The following PPP6R3 variants were observed in gnomAD, a reference collection of about 807,000 sequenced individuals.
The protein encoded by PPP6R3 is serine/threonine-protein phosphatase 6 regulatory subunit 3.
PPP6R3 carries 38 observed loss-of-function variants against 110.7 expected under a neutral mutation model. The observed-to-expected ratio is 0.34, with a 90% CI of 0.26 to 0.45. The LOEUF (loss-of-function observed/expected upper bound fraction) is 0.45, where lower values mean the gene tolerates loss of function less well. Among genes scored for constraint, PPP6R3 ranks in the 20% least tolerant of loss-of-function variants. The pLI, the probability that PPP6R3 is intolerant of heterozygous loss-of-function variation, is 1.00. For synonymous variants in PPP6R3, 369 were observed against 373.5 expected, an observed-to-expected ratio of 0.99 and a Z score of 0.14; for missense variants, 870 against 1,062.4, an observed-to-expected ratio of 0.82 and a Z score of 2.52.
In PPP6R3 at chr11:68,591,513, T is replaced by G. The variant is rs1425384337; in HGVS notation, c.1786-63T>G. On this transcript the variant is annotated intron_variant, in intron 17 of 23. Coordinates refer to ENST00000393800, the MANE Select transcript of PPP6R3 (RefSeq NM_001164161.2). ...AAAATGCAATTTACATTGGTAATGC[T>G]TAAGAGAAGATAACTTGACTTTAAA... 2.1e-6 allele frequency: 3 copies of G among 1,460,850 alleles called. No individual in the cohort carries two copies. In the African/African-American group the frequency reaches 4.2e-5, roughly 21 times the overall value. The allele number at this position is 1,460,850 out of a possible 1,614,324, so 90.5% of individuals were successfully genotyped here. A position where few individuals can be genotyped will look rare whatever the true frequency, so the allele number is the denominator to read the frequency against.
chr11:68,540,780 C>G (rs769895412), intron 3 of PPP6R3, among the ~76,000 whole-genome samples: 4 of 152,284 alleles, frequency 2.6e-5, no homozygotes, highest in Admixed American at 6.5e-5. Context: ...CGATATTTCT[C>G]CCATTTGCTT....
At chr11:68,474,266 G>A (rs1417272834) in intron 1 of PPP6R3, among the ~76,000 whole-genome samples, 4 of 152,032 alleles carry the variant, frequency 2.6e-5, no homozygotes, top group Admixed American at 6.6e-5. Context: ...GGCTGGTCTC[G>A]AACTTCTGGC....
intron 22 of PPP6R3, among the ~76,000 whole-genome samples, chr11:68,605,390 C>T (rs897440460): frequency 6.6e-6 from 1 of 152,158 alleles, no homozygotes; most frequent in Non-Finnish European, 1.5e-5. Flanking sequence ...AAGAGACCCC[C>T]TCCACTACAT....
chr11:68,494,390 G>A (rs1345872864), intron 1 of PPP6R3, among the ~76,000 whole-genome samples: 2 of 144,710 alleles, frequency 1.4e-5, no homozygotes, highest in African/African-American at 5.2e-5. Flanking sequence ...TAGGTGCGGT[G>A]GGACACGCCT....
Position 68,548,117 on chromosome 11 carries a change from G to A in PPP6R3, c.465G>A (p.Lys155=), listed in dbSNP as rs774252828. 3 of 1,613,896 alleles carry A rather than the reference G, an allele frequency of 1.9e-6. No individual in the cohort carries two copies. Among genetic ancestry groups the A allele is most frequent in the Non-Finnish European group, 2.5e-6 (3 of 1,179,758 alleles). Residue 155 remains lysine, a synonymous_variant, in exon 5 of 24, where the codon AAG becomes AAA. Coordinates refer to ENST00000393800, the MANE Select transcript of PPP6R3 (RefSeq NM_001164161.2). ...ATGATTTTGTAGACCTTATTATAAA[G>A]CACATAGGAACTTCTGCTATCATGG... ...KKHDFVDLII[K]HIGTSAIMDL...
chr11:68,566,891 G>C (rs1021750157), intron 9 of PPP6R3, 123 bp from the exon 10 acceptor site: 28 of 716,766 alleles, frequency 3.9e-5, no homozygotes, highest in Middle Eastern at 3.5e-4. Context: ...TTTAGATGTT[G>C]TTTCAGGTGT....
At chr11:68,562,499 C>T (rs1310051417) in intron 8 of PPP6R3, among the ~76,000 whole-genome samples, 1 of 152,168 alleles carries the variant, frequency 6.6e-6, no homozygotes, top group Non-Finnish European at 1.5e-5. Flanking sequence ...GAGAAAAGGA[C>T]TCACACTCTG....
intron 1 of PPP6R3, among the ~76,000 whole-genome samples, chr11:68,476,608 C>T (rs2098834738): frequency 6.6e-6 from 1 of 152,154 alleles, no homozygotes; most frequent in South Asian, 2.1e-4. Flanking sequence ...TAGCTATATG[C>T]TATAAGTTTT....
chr11:68,480,397 G>T (rs955168871), intron 1 of PPP6R3, among the ~76,000 whole-genome samples: 1 of 152,216 alleles, frequency 6.6e-6, no homozygotes, highest in Non-Finnish European at 1.5e-5. Context: ...TTCTGTACCA[G>T]ACACTGTCTG....
intron 22 of PPP6R3, among the ~76,000 whole-genome samples, chr11:68,606,592 A>G (rs1331620731): frequency 6.6e-6 from 1 of 151,854 alleles, no homozygotes; most frequent in Non-Finnish European, 1.5e-5. Context: ...CTGGGATTAC[A>G]GATGTGAGCC....
intron 5 of PPP6R3, 52 bp from the exon 6 acceptor site, chr11:68,551,069 C>A: frequency 2.4e-6 from 3 of 1,253,438 alleles, no homozygotes; most frequent in Non-Finnish European, 3.5e-6. Flanking sequence ...TACATTGGGG[C>A]TTGAACAAGA....
chr11:68,600,194 T>C, intron 19 of PPP6R3, 147 bp from the exon 20 acceptor site: 2 of 810,184 alleles, frequency 2.5e-6, no homozygotes, highest in Non-Finnish European at 4.1e-6. Context: ...TCCAGGTGGC[T>C]GTGCCCTGTC....
At position 68,486,048 on chromosome 11, in the gene PPP6R3, T is replaced by C. The variant is rs2153410932; in HGVS notation, c.-158+25221T>C. ...AAAAAAAAAGCTACACCTAATTTTT[T>C]GAGACTCAAAAAGAGTCTCAAAAAG... On this transcript the variant is annotated intron_variant, in intron 1 of 23. Coordinates refer to ENST00000393800, the MANE Select transcript of PPP6R3 (RefSeq NM_001164161.2). Among the ~76,000 whole-genome samples, 3 of 151,812 alleles carry C rather than the reference T, an allele frequency of 2.0e-5. No homozygotes were observed. In the South Asian group the frequency reaches 6.2e-4, roughly 32 times the overall value.
chr11:68,528,309 A>G (rs891866645), intron 2 of PPP6R3, among the ~76,000 whole-genome samples: 1 of 151,934 alleles, frequency 6.6e-6, no homozygotes, highest in Non-Finnish European at 1.5e-5. Flanking sequence ...TGCTTTTGAC[A>G]CCTTCTTTGG....
At chr11:68,463,735 T>C (rs959749503) in intron 1 of PPP6R3, among the ~76,000 whole-genome samples, 11 of 152,246 alleles carry the variant, frequency 7.2e-5, no homozygotes, top group Non-Finnish European at 4.4e-5. Flanking sequence ...TTAAACAGCT[T>C]TCATATTTCT....
intron 1 of PPP6R3, among the ~76,000 whole-genome samples, chr11:68,474,972 TG>T (rs1350506565): frequency 6.6e-6 from 1 of 152,130 alleles, no homozygotes; most frequent in African/African-American, 2.4e-5. Flanking sequence ...GAGGGGGATT[TG>T]GCAGGGTCAC....
Position 68,488,947 on chromosome 11 carries a change from C to A in PPP6R3, c.-158+28120C>A, listed in dbSNP as rs976663515. 2.6e-5 allele frequency: 4 copies of A among 151,736 alleles called. No individual in the cohort carries two copies. The East Asian group carries it at 7.7e-4, about 29-fold the overall frequency. 9.4% of individuals were successfully genotyped at this position (151,736 alleles called of 1,614,324 possible). On this transcript the variant is annotated intron_variant, in intron 1 of 23. Transcript: ENST00000393800. The stretch of plus-strand genomic sequence containing the variant: ...TGCTCTTTTAATAGGTGTATTTAGA[C>A]CATTGACCTTTAATGTGATTATTGA...
chr11:68,573,019 C>A (rs908373309), intron 12 of PPP6R3, among the ~76,000 whole-genome samples: 4 of 148,686 alleles, frequency 2.7e-5, no homozygotes, highest in Non-Finnish European at 5.9e-5. Context: ...TTGTTCCCTG[C>A]TATCTGCAGT....
At chr11:68,497,069 C>G (rs941231832) in intron 1 of PPP6R3, among the ~76,000 whole-genome samples, 5 of 150,170 alleles carry the variant, frequency 3.3e-5, no homozygotes, top group African/African-American at 1.2e-4. Context: ...TTTTTTGAGA[C>G]GGAGTCTCGC....
Sources: gnomAD v4.1 joint callset for allele counts (sites outside exome capture counted in the v4.1 genomes callset) on GRCh38, gnomAD v4.1.1 for gene constraint, MANE v1.5 for transcripts, NCBI Gene and HGNC (gene_info 2026-07-23, HGNC 2026-07-21) for gene names.